The following NRXN3 variants were observed in gnomAD, a reference collection of about 807,000 sequenced individuals.
NRXN3 encodes the protein neurexin 3, also known as neurexin III.
NRXN3 carries 32 observed loss-of-function variants against 137.6 expected under a neutral mutation model. That is an observed-to-expected ratio of 0.23 (90% CI 0.18 to 0.31). NRXN3 has a LOEUF of 0.31. NRXN3 is among the 10% of genes least tolerant of loss of function. The probability of loss-of-function intolerance (pLI) is 1.00; values close to 1 mark genes in which losing one functional copy is unlikely to be tolerated. For missense variants in NRXN3, 1,574 were observed against 2,062.5 expected, an observed-to-expected ratio of 0.76 and a Z score of 4.59; for synonymous variants, 798 against 784.5, an observed-to-expected ratio of 1.02 and a Z score of -0.29.
intron 15 of NRXN3, among the ~76,000 whole-genome samples, chr14:79,393,744 G>A (rs1361763554): frequency 1.3e-5 from 2 of 152,158 alleles, no homozygotes; most frequent in Non-Finnish European, 2.9e-5. Context: ...GAACCCAGGA[G>A]GCAGAGCTTG....
intron 15 of NRXN3, among the ~76,000 whole-genome samples, chr14:79,373,485 C>T (rs567914822): frequency 2.8e-4 from 42 of 152,186 alleles, no homozygotes; most frequent in Admixed American, 7.9e-4. Context: ...TTCCGGAAAG[C>T]GATTTAGTTT....
chr14:79,160,679 A>C (rs1234148807), intron 15 of NRXN3, among the ~76,000 whole-genome samples: 1 of 151,878 alleles, frequency 6.6e-6, no homozygotes, highest in African/African-American at 2.4e-5. Context: ...GGAAAAAAAA[A>C]CACTTGCCAT....
intron 1 of NRXN3, among the ~76,000 whole-genome samples, chr14:78,175,862 T>C (rs867096440): frequency 6.6e-6 from 1 of 152,236 alleles, no homozygotes; most frequent in Non-Finnish European, 1.5e-5. Flanking sequence ...ACACTGTCTT[T>C]AATTTTAATC....
chr14:78,211,663 T>C (rs1044103376), intron 1 of NRXN3, among the ~76,000 whole-genome samples: 2 of 152,256 alleles, frequency 1.3e-5, no homozygotes, highest in Admixed American at 6.5e-5. Flanking sequence ...TACTGCTTAA[T>C]GCAATACCAG....
intron 15 of NRXN3, chr14:79,279,224 A>T: frequency 2.4e-6 from 1 of 411,794 alleles, no homozygotes; most frequent in Non-Finnish European, 3.3e-6. Flanking sequence ...CCTGTGCTTG[A>T]ATGGGAAGGG....
At chr14:79,364,070 A>G (rs912297969) in intron 15 of NRXN3, among the ~76,000 whole-genome samples, 19 of 152,186 alleles carry the variant, frequency 1.2e-4, no homozygotes, top group Admixed American at 2.0e-4. Flanking sequence ...TGCTGTGGCC[A>G]TATCTGTATG....
intron 10 of NRXN3, among the ~76,000 whole-genome samples, chr14:78,820,004 C>A (rs1347140738): frequency 6.6e-6 from 1 of 152,090 alleles, no homozygotes; most frequent in Non-Finnish European, 1.5e-5. Flanking sequence ...GCTTCCCTGT[C>A]CAATTCATGA....
intron 19 of NRXN3, among the ~76,000 whole-genome samples, chr14:79,803,578 A>G (rs921528437): frequency 1.6e-4 from 25 of 151,904 alleles, no homozygotes; most frequent in Non-Finnish European, 2.9e-5. Flanking sequence ...TAACTTCATT[A>G]CCTCTTTAAG....
intron 19 of NRXN3, among the ~76,000 whole-genome samples, chr14:79,716,710 T>A (rs1471988404): frequency 6.6e-6 from 1 of 152,128 alleles, no homozygotes; most frequent in Non-Finnish European, 1.5e-5. Context: ...TTCACAGATG[T>A]CAATTTCTTT....
chr14:79,443,770 C>T (rs181953068), intron 15 of NRXN3, among the ~76,000 whole-genome samples: 1 of 152,338 alleles, frequency 6.6e-6, no homozygotes, highest in African/African-American at 2.4e-5. Flanking sequence ...TAGTTCTCAA[C>T]ATCAGCTACT....
intron 4 of NRXN3, among the ~76,000 whole-genome samples, chr14:78,383,748 A>G (rs912620503): frequency 6.6e-6 from 1 of 152,162 alleles, no homozygotes; most frequent in Non-Finnish European, 1.5e-5. Flanking sequence ...TGGGGCTCAT[A>G]ATGTCTACCT....
intron 4 of NRXN3, among the ~76,000 whole-genome samples, chr14:78,327,210 A>G (rs1393785270): frequency 6.6e-6 from 1 of 152,354 alleles, no homozygotes; most frequent in East Asian, 1.9e-4. Context: ...TGCAAAGGCA[A>G]CAAAGACAAG....
At chr14:79,669,975 T>G (rs2153996250) in intron 17 of NRXN3, among the ~76,000 whole-genome samples, 1 of 152,222 alleles carries the variant, frequency 6.6e-6, no homozygotes, top group South Asian at 2.1e-4. Flanking sequence ...TCAGACTGAC[T>G]ACCGGTACTG....
intron 15 of NRXN3, among the ~76,000 whole-genome samples, chr14:79,138,766 A>T (rs1261516303): frequency 6.6e-6 from 1 of 152,238 alleles, no homozygotes; most frequent in Non-Finnish European, 1.5e-5. Flanking sequence ...ATATATGAAG[A>T]TGATCTGAAA....
chr14:78,899,489 G>T (rs1347691356), intron 10 of NRXN3, among the ~76,000 whole-genome samples: 1 of 151,938 alleles, frequency 6.6e-6, no homozygotes, highest in Non-Finnish European at 1.5e-5. Context: ...TGTTTTGTGT[G>T]TATGGTTGCC....
intron 4 of NRXN3, among the ~76,000 whole-genome samples, chr14:78,345,005 G>A (rs1413391764): frequency 6.6e-6 from 1 of 152,318 alleles, no homozygotes; most frequent in East Asian, 1.9e-4. Flanking sequence ...GCCTTGCACT[G>A]TAGAGAATTG....
chr14:78,759,831 G>A (rs1430373490), intron 8 of NRXN3, among the ~76,000 whole-genome samples: 2 of 152,128 alleles, frequency 1.3e-5, no homozygotes, highest in Non-Finnish European at 2.9e-5. Flanking sequence ...TATTATGATA[G>A]TAGCTTGATT....
chr14:79,010,369 A>G (rs2099568977), intron 15 of NRXN3, among the ~76,000 whole-genome samples: 1 of 152,172 alleles, frequency 6.6e-6, no homozygotes, highest in Non-Finnish European at 1.5e-5. Flanking sequence ...TACCCACCCA[A>G]CTAACCATCA....
chr14:79,151,416 G>A (rs983960146), intron 15 of NRXN3, among the ~76,000 whole-genome samples: 1 of 152,042 alleles, frequency 6.6e-6, no homozygotes, highest in East Asian at 1.9e-4. Context: ...GTATGGCAGG[G>A]AGCATCTTTG....
Sources: gnomAD v4.1 joint callset for allele counts (sites outside exome capture counted in the v4.1 genomes callset) on GRCh38, gnomAD v4.1.1 for gene constraint, MANE v1.5 for transcripts, NCBI Gene and HGNC (gene_info 2026-07-23, HGNC 2026-07-21) for gene names.